Variants in KIF26B observed in about 807,000 individuals in gnomAD.
The protein encoded by KIF26B is kinesin-like protein KIF26B.
KIF26B carries 63 observed loss-of-function variants against 151.2 expected under a neutral mutation model. That is an observed-to-expected ratio of 0.42 (90% CI 0.34 to 0.51). KIF26B has a LOEUF of 0.51. Among genes scored for constraint, KIF26B ranks in the 20% least tolerant of loss-of-function variants. The pLI is 0.07. For missense variants in KIF26B, 2,813 were observed against 2,913.6 expected (o/e 0.97, Z 0.79); for synonymous variants, 1,357 against 1,262.1 (o/e 1.08, Z -1.59).
chr1:245,548,506 G>T (rs1412571900), intron 5 of KIF26B, among the ~76,000 whole-genome samples: 1 of 152,134 alleles, frequency 6.6e-6, no homozygotes, highest in African/African-American at 2.4e-5. Flanking sequence ...CCACACGCTG[G>T]CAAAGAGGAA....
intron 2 of KIF26B, among the ~76,000 whole-genome samples, chr1:245,305,535 A>G (rs1161755668): frequency 6.6e-6 from 1 of 152,278 alleles, no homozygotes; most frequent in Non-Finnish European, 1.5e-5. Flanking sequence ...AGTCAAAACT[A>G]CAATGAGATA....
At chr1:245,568,099 G>A (rs899302690) in intron 5 of KIF26B, among the ~76,000 whole-genome samples, 1 of 148,974 alleles carries the variant, frequency 6.7e-6, no homozygotes, top group African/African-American at 2.5e-5. Context: ...AACTTGGGAG[G>A]TTCAGTGGAG....
intron 2 of KIF26B, among the ~76,000 whole-genome samples, chr1:245,233,702 C>T (rs1670045603): frequency 6.6e-6 from 1 of 152,204 alleles, no homozygotes; most frequent in Non-Finnish European, 1.5e-5. Context: ...CATGTTCTCT[C>T]TGTCATAATT....
At chr1:245,542,844 C>T (rs965392047) in intron 5 of KIF26B, among the ~76,000 whole-genome samples, 1 of 152,136 alleles carries the variant, frequency 6.6e-6, no homozygotes, top group African/African-American at 2.4e-5. Context: ...ACTTCAGTGC[C>T]GGAGCTGAAC....
At chr1:245,410,613 C>A (rs1674255470) in intron 3 of KIF26B, among the ~76,000 whole-genome samples, 1 of 152,132 alleles carries the variant, frequency 6.6e-6, no homozygotes, top group Non-Finnish European at 1.5e-5. Context: ...CCATGCCTGC[C>A]TAATTTTTGT....
chr1:245,208,345 T>G (rs184365710), intron 2 of KIF26B, among the ~76,000 whole-genome samples: 2 of 152,238 alleles, frequency 1.3e-5, no homozygotes, highest in South Asian at 2.1e-4. Context: ...TACATCTATC[T>G]TCCCCCATTG....
intron 2 of KIF26B, among the ~76,000 whole-genome samples, chr1:245,333,740 G>C (rs981132900): frequency 3.3e-5 from 5 of 152,202 alleles, no homozygotes; most frequent in Admixed American, 2.6e-4. Context: ...GCTCATACCT[G>C]TAATCCCAGC....
chr1:245,618,403 G>T (rs1322632310), intron 9 of KIF26B, among the ~76,000 whole-genome samples: 5 of 150,980 alleles, frequency 3.3e-5, no homozygotes, highest in Non-Finnish European at 5.9e-5. Context: ...CCGTCCTGGG[G>T]CTATGTCCGC....
intron 5 of KIF26B, among the ~76,000 whole-genome samples, chr1:245,579,671 A>G (rs2043155695): frequency 6.6e-6 from 1 of 151,096 alleles, no homozygotes; most frequent in Non-Finnish European, 1.5e-5. Flanking sequence ...ACAAACAAAC[A>G]AACAAACAAA....
intron 10 of KIF26B, among the ~76,000 whole-genome samples, chr1:245,664,022 T>C (rs79888470): frequency 0.054 from 8,223 of 152,196 alleles, 683 homozygotes; most frequent in African/African-American, 0.18. Context: ...TTTTTTGGCC[T>C]GAGGATTCTT....
At chr1:245,263,620 C>T (rs1670691369) in intron 2 of KIF26B, among the ~76,000 whole-genome samples, 4 of 152,192 alleles carry the variant, frequency 2.6e-5, no homozygotes, top group Admixed American at 6.5e-5. Context: ...GCCCTCAGGA[C>T]TCAGGTTAAT....
At chr1:245,469,087 C>T (rs962253239) in intron 4 of KIF26B, among the ~76,000 whole-genome samples, 2 of 151,878 alleles carry the variant, frequency 1.3e-5, no homozygotes, top group African/African-American at 2.4e-5. Context: ...AGAGTCCCTC[C>T]TCAACTGGCC....
intron 4 of KIF26B, among the ~76,000 whole-genome samples, chr1:245,532,248 C>CTTTTT (rs74163062): frequency 0.012 from 1,485 of 121,408 alleles, 58 homozygotes; most frequent in African/African-American, 0.046. Context: ...CTTTTCTTTT[C>CTTTTT]TTTTTTTTTT....
intron 3 of KIF26B, chr1:245,371,474 T>C (rs552490117): frequency 2.0e-5 from 3 of 152,268 alleles, no homozygotes; most frequent in African/African-American, 7.2e-5. Context: ...GAGAAGCATC[T>C]AGACCTTGTC....
At chr1:245,454,354 TAAATGCAA>T in intron 4 of KIF26B, among the ~76,000 whole-genome samples, 1 of 152,204 alleles carries the variant, frequency 6.6e-6, no homozygotes, top group Admixed American at 6.5e-5. Context: ...TCCAGGGAGG[TAAATGCAA>T]AGAAGGATGG....
intron 5 of KIF26B, among the ~76,000 whole-genome samples, chr1:245,581,104 C>T (rs1042346644): frequency 6.6e-6 from 1 of 152,130 alleles, no homozygotes; most frequent in Non-Finnish European, 1.5e-5. Context: ...GGCCACTCAT[C>T]AGCCAGGTCA....
chr1:245,440,572 C>T lies in KIF26B; in HGVS notation c.1166+20827C>T, dbSNP rs538857061. On this transcript the variant is annotated intron_variant, in intron 4 of 14. Transcript: ENST00000407071. Reference sequence around the variant, plus strand: ...GCTATTAGACAAAGCCAGGGGTGTTCGGGAGCAGATCCCCAACTTCTGACT... The same window carrying T: ...GCTATTAGACAAAGCCAGGGGTGTTTGGGAGCAGATCCCCAACTTCTGACT... Among the ~76,000 whole-genome samples the T allele has an allele frequency of 1.9e-3, 292 of 152,182 alleles. 2 individuals are homozygous for T. Among genetic ancestry groups the T allele is most frequent in the Admixed American group, 4.1e-3 (63 of 15,282 alleles).
chr1:245,159,774 C>T (rs1205742322), intron 2 of KIF26B, among the ~76,000 whole-genome samples: 1 of 152,174 alleles, frequency 6.6e-6, no homozygotes, highest in East Asian at 1.9e-4. Flanking sequence ...AGTAGAGAGC[C>T]CATTCCGGGT....
intron 2 of KIF26B, among the ~76,000 whole-genome samples, chr1:245,289,701 G>GTTCCAA (rs58456936): frequency 0.59 from 89,286 of 151,444 alleles, 26,570 homozygotes; most frequent in Middle Eastern, 0.68. Flanking sequence ...GTGGTGATAG[G>GTTCCAA]ATTCCCAATT....
Sources: allele counts gnomAD v4.1 joint callset (sites outside exome capture counted in the v4.1 genomes callset), GRCh38; gene constraint gnomAD v4.1.1; transcripts MANE v1.5; gene names NCBI Gene and HGNC (gene_info 2026-07-23, HGNC 2026-07-21).